PROSER2: variants seen among roughly 807,000 people sequenced by gnomAD.
PROSER2 encodes the protein proline and serine rich 2.
In PROSER2, 18 loss-of-function variants were observed where a neutral mutation model predicts 14.6. The observed-to-expected ratio is 1.23, with a 90% confidence interval of 0.85 to 1.83. The LOEUF is 1.83. PROSER2 is among the 40% of genes most tolerant of loss of function. PROSER2 has a pLI of 0.00. For missense variants in PROSER2, 823 were observed against 629.8 expected, an observed-to-expected ratio of 1.31 and a Z score of -3.28; for synonymous variants, 367 against 286.4, an observed-to-expected ratio of 1.28 and a Z score of -2.84.
rs999740038 is a variant in PROSER2 at position 11,866,801 on chromosome 10, C to G, written c.391+18C>G. ...GGCAGCAGGTGAGGGGGAAGACAGG[C>G]CATCCCTGGGATGTGGTTTCCTGGT... On this transcript the variant is annotated intron_variant, in intron 3 of 3. Transcript: ENST00000277570. This position sits in a 1 kb window ranked among gnomAD's most constrained non-coding sequence, Gnocchi z 6.0. 1.9e-6 allele frequency: 3 copies of G among 1,603,118 alleles called. No individual in the cohort carries two copies. The highest frequency in any genetic ancestry group is 2.5e-6 in the Non-Finnish European group (3 of 1,176,882).
At chr10:11,835,499 C>G (rs1833747866) in intron 1 of PROSER2, among the ~76,000 whole-genome samples, 2 of 151,782 alleles carry the variant, frequency 1.3e-5, no homozygotes, top group Admixed American at 1.3e-4. Context: ...TTTTTAAAGC[C>G]CTACTTAAGT....
At chr10:11,850,901 G>A (rs1448072145) in intron 1 of PROSER2, 2 of 152,290 alleles carry the variant, frequency 1.3e-5, no homozygotes, top group Non-Finnish European at 2.9e-5. Context: ...ATGCCGTTCA[G>A]GGGCTGGGCT....
At chr10:11,848,151 T>C (rs1588490424) in intron 1 of PROSER2, among the ~76,000 whole-genome samples, 1 of 151,988 alleles carries the variant, frequency 6.6e-6, no homozygotes, top group Non-Finnish European at 1.5e-5. Context: ...GTTTTTGTTT[T>C]GTTTTGTTTT....
At chr10:11,849,371 T>C (rs1253792674) in intron 1 of PROSER2, among the ~76,000 whole-genome samples, 1 of 152,152 alleles carries the variant, frequency 6.6e-6, no homozygotes, top group Non-Finnish European at 1.5e-5. Context: ...CTCCCAGCCT[T>C]TACCCCCATA....
At chr10:11,840,745 C>T (rs1024971076) in intron 1 of PROSER2, among the ~76,000 whole-genome samples, 6 of 150,970 alleles carry the variant, frequency 4.0e-5, no homozygotes, top group Non-Finnish European at 7.4e-5. Context: ...GCCAACATGG[C>T]GAAACCCTGT....
At position 11,870,328 on chromosome 10, in the gene PROSER2, G is replaced by C. The variant is rs767929082; in HGVS notation, c.1230G>C (p.Gln410His). The change falls in exon 4 of 4, where the codon CAG becomes CAC. Residue 410 changes from glutamine to histidine, a missense_variant. Gln to His is a conservative substitution (Grantham distance 24). Transcript: ENST00000277570. The part of the protein sequence containing the change: ...SLPRPQGITV[Q>H]FAGRGSSEEA... Reference sequence around the variant, plus strand: ...CCCGGCCCCAGGGCATCACCGTGCAGTTCGCGGGCCGCGGCTCCTCGGAGG... The same window carrying C: ...CCCGGCCCCAGGGCATCACCGTGCACTTCGCGGGCCGCGGCTCCTCGGAGG... 5.9e-5 allele frequency: 88 copies of C among 1,504,196 alleles called. No homozygotes were observed. Among genetic ancestry groups the C allele is most frequent in the Middle Eastern group, 1.9e-4 (1 of 5,170 alleles). The allele number at this position is 1,504,196 out of a possible 1,614,324, so 93.2% of individuals were successfully genotyped here.
chr10:11,846,380 G>A (rs1460349428), intron 1 of PROSER2, among the ~76,000 whole-genome samples: 2 of 152,150 alleles, frequency 1.3e-5, no homozygotes. Context: ...TTCTCAACCT[G>A]TGTTGGGTCT....
intron 2 of PROSER2, among the ~76,000 whole-genome samples, chr10:11,857,950 C>T (rs367907096): frequency 6.6e-6 from 1 of 151,832 alleles, no homozygotes; most frequent in African/African-American, 2.4e-5. Flanking sequence ...TTTTTCCCCC[C>T]CAAGATGGAG....
chr10:11,832,038 A>G (rs753424335), intron 1 of PROSER2, among the ~76,000 whole-genome samples: 1 of 152,252 alleles, frequency 6.6e-6, no homozygotes, highest in Non-Finnish European at 1.5e-5. Context: ...AAGTGAAAGC[A>G]TGATCATTCT....
chr10:11,853,876 C>A (rs1564309248), intron 2 of PROSER2, among the ~76,000 whole-genome samples: 1 of 152,152 alleles, frequency 6.6e-6, no homozygotes, highest in Non-Finnish European at 1.5e-5. Context: ...TTAAAGGATT[C>A]CTGTTCTACC....
intron 3 of PROSER2, among the ~76,000 whole-genome samples, chr10:11,867,738 A>G (rs1834381686): frequency 6.6e-6 from 1 of 152,222 alleles, no homozygotes; most frequent in Non-Finnish European, 1.5e-5. Flanking sequence ...CTCACCACTC[A>G]CGTCCTGCTG....
chr10:11,857,677 G>A (rs889594406), intron 2 of PROSER2, among the ~76,000 whole-genome samples: 3 of 149,468 alleles, frequency 2.0e-5, no homozygotes, highest in East Asian at 2.0e-4. Flanking sequence ...CCCGGGTGGC[G>A]GAGGTTGCAG....
At chr10:11,847,575 G>A (rs545770249) in intron 1 of PROSER2, among the ~76,000 whole-genome samples, 25 of 152,228 alleles carry the variant, frequency 1.6e-4, no homozygotes, top group African/African-American at 5.1e-4. Context: ...CTGCCACCAC[G>A]CCTGGCTAAT....
At chr10:11,868,039 T>C (rs908601215) in intron 3 of PROSER2, among the ~76,000 whole-genome samples, 2 of 152,242 alleles carry the variant, frequency 1.3e-5, no homozygotes, top group Non-Finnish European at 2.9e-5. Context: ...GAACTTCACA[T>C]ACTACGGTTA....
At chr10:11,858,144 G>A (rs1834159829) in intron 2 of PROSER2, among the ~76,000 whole-genome samples, 3 of 151,924 alleles carry the variant, frequency 2.0e-5, no homozygotes, top group African/African-American at 7.3e-5. Context: ...TCACCATGTT[G>A]GCCAGGCTGG....
rs1397100800 is a variant in PROSER2, at chr10:11,823,602, G to A, written c.-82+132G>A. 6.6e-6 allele frequency: 1 copy of A among 152,064 alleles called. No individual in the cohort carries two copies. Among genetic ancestry groups the A allele is most frequent in the African/African-American group, 2.4e-5 (1 of 41,418 alleles). The allele number at this position is 152,064 out of a possible 1,614,324, so 9.4% of individuals were successfully genotyped here. On this transcript the variant is annotated intron_variant, in intron 1 of 3. Coordinates refer to ENST00000277570, the MANE Select transcript of PROSER2 (RefSeq NM_153256.4). This position sits in a 1 kb window ranked among gnomAD's most constrained non-coding sequence, Gnocchi z 6.2. ...AGGGGGCGCCGGACCCTGCCTTGGC[G>A]CGCTCCTCGCTCTGACTAGGGGAGC...
intron 1 of PROSER2, among the ~76,000 whole-genome samples, chr10:11,846,872 G>A (rs1229200955): frequency 2.0e-5 from 3 of 151,982 alleles, no homozygotes; most frequent in Non-Finnish European, 4.4e-5. Context: ...CCCACCTCAC[G>A]AGACTACAGG....
chr10:11,861,827 G>A (rs929185644), intron 2 of PROSER2, among the ~76,000 whole-genome samples: 4 of 152,198 alleles, frequency 2.6e-5, no homozygotes, highest in Non-Finnish European at 4.4e-5. Flanking sequence ...GAATATAAAG[G>A]AGAGAATGGT....
chr10:11,869,963 A>G lies in PROSER2; in HGVS notation c.865A>G (p.Ile289Val), dbSNP rs1295787002. 7 of 1,385,128 alleles carry G rather than the reference A, an allele frequency of 5.1e-6. No homozygotes were observed. Among genetic ancestry groups the G allele is most frequent in the African/African-American group, 1.5e-5 (1 of 65,474 alleles). 85.8% of individuals were successfully genotyped at this position (1,385,128 alleles called of 1,614,324 possible). Residue 289 changes from isoleucine to valine, a missense_variant, in exon 4 of 4, where the codon ATC (isoleucine) becomes GTC (valine). Coordinates refer to ENST00000277570, the MANE Select transcript of PROSER2 (RefSeq NM_153256.4). The surrounding 1 kb of genome is among the most constrained non-coding windows in gnomAD (Gnocchi z 4.4). The part of the protein sequence containing the change: ...QERRAQVLAT[I>V]HGHAGAFPAA... ...GCGCAGGGCGCAGGTGTTGGCCACC[A>G]TCCACGGCCACGCCGGCGCCTTCCC...
Sources: allele counts gnomAD v4.1 joint callset (sites outside exome capture counted in the v4.1 genomes callset), GRCh38; gene constraint gnomAD v4.1.1; non-coding constraint Gnocchi (gnomAD v3.1); transcripts MANE v1.5; gene names NCBI Gene and HGNC (gene_info 2026-07-23, HGNC 2026-07-21).